The following AGAP1 variants were observed in gnomAD, a reference collection of about 807,000 sequenced individuals.
AGAP1 encodes arf-GAP with GTPase, ANK repeat and PH domain-containing protein 1.
AGAP1 carries 29 observed loss-of-function variants against 105.3 expected under a neutral mutation model. The observed-to-expected ratio is 0.28, with a 90% confidence interval of 0.21 to 0.38. AGAP1 has a LOEUF of 0.38. Among genes scored for constraint, AGAP1 ranks in the 10% least tolerant of loss-of-function variants. AGAP1 has a pLI of 1.00. For synonymous variants in AGAP1, 509 were observed against 485.9 expected (o/e 1.05, Z -0.63); for missense variants, 998 against 1,165.1 (o/e 0.86, Z 2.09).
chr2:236,012,252 G>A lies in AGAP1; in HGVS notation c.1646-24309G>A, dbSNP rs909412749. On this transcript the variant is annotated intron_variant, in intron 13 of 17. Coordinates refer to ENST00000304032, the MANE Select transcript of AGAP1 (RefSeq NM_001037131.3). This position sits in a 1 kb window ranked among gnomAD's most constrained non-coding sequence, Gnocchi z 4.9. ...AAATGGAAGGCATAAAGCGGGCGAG[G>A]AAAGAGGCTTTCTGCACTCGGGCAC... is the stretch of plus-strand genomic sequence containing the variant. Among the ~76,000 whole-genome samples, 11 of 152,084 alleles carry A rather than the reference G, an allele frequency of 7.2e-5. No homozygotes were observed. Among genetic ancestry groups the A allele is most frequent in the Non-Finnish European group, 1.5e-4 (10 of 68,024 alleles).
chr2:235,869,422 A>T (rs1174294395), intron 9 of AGAP1, among the ~76,000 whole-genome samples: 1 of 48,696 alleles, frequency 2.1e-5, no homozygotes, highest in Non-Finnish European at 3.7e-5. Context: ...ATCTCTACTA[A>T]AAAAAAAAAA....
rs1167407884 is a variant in AGAP1 at position 235,801,042 on chromosome 2, GTC to G, written c.957+1525_957+1526del. On this transcript the variant is annotated intron_variant, in intron 8 of 17. Transcript: ENST00000304032. This position sits in a 1 kb window ranked among gnomAD's most constrained non-coding sequence, Gnocchi z 6.0. Reference sequence around the variant, plus strand: ...GCCCCTCTGCCACATGTCTGGGGCAGTCTCTCATTGGATGCTCATGACTGCGG... The same window carrying G: ...GCCCCTCTGCCACATGTCTGGGGCAGTCTCATTGGATGCTCATGACTGCGG... Among the ~76,000 whole-genome samples, 1 of 152,304 alleles carries G rather than the reference GTC, an allele frequency of 6.6e-6. No individual in the cohort carries two copies. Among genetic ancestry groups the G allele is most frequent in the Non-Finnish European group, 1.5e-5 (1 of 68,030 alleles).
Position 235,877,172 on chromosome 2 carries a change from A to G in AGAP1, c.1051-6173A>G, listed in dbSNP as rs183243691. On this transcript the variant is annotated intron_variant, in intron 9 of 17. Transcript: ENST00000304032. This position sits in a 1 kb window ranked among gnomAD's most constrained non-coding sequence, Gnocchi z 4.3. Reference sequence around the variant, plus strand: ...AGCCATTTAAAAGAACAAAAATCTCATGAATCCTTCAACATTGATTTAACT... The same window carrying G: ...AGCCATTTAAAAGAACAAAAATCTCGTGAATCCTTCAACATTGATTTAACT... 1.6e-4 allele frequency among the ~76,000 whole-genome samples: 25 copies of G among 152,280 alleles called. No individual in the cohort carries two copies. The East Asian group carries it at 4.6e-3, about 28-fold the overall frequency.
intron 11 of AGAP1, among the ~76,000 whole-genome samples, chr2:235,916,697 A>G: frequency 6.6e-6 from 1 of 152,230 alleles, no homozygotes; most frequent in East Asian, 1.9e-4. Flanking sequence ...TCCTTTGAAA[A>G]GCTTGGCCGA....
chr2:235,537,172 T>C (rs1943266231), intron 1 of AGAP1, among the ~76,000 whole-genome samples: 1 of 152,160 alleles, frequency 6.6e-6, no homozygotes, highest in Admixed American at 6.5e-5. Context: ...TAGTAAAACA[T>C]ACGGTACCAC....
chr2:235,884,867 CA>C (rs2050196688), intron 10 of AGAP1, among the ~76,000 whole-genome samples: 1 of 69,206 alleles, frequency 1.4e-5, no homozygotes, highest in African/African-American at 4.0e-5. Flanking sequence ...GTCACAGCAG[CA>C]GCAGCAGCAG....
chr2:235,593,042 C>T (rs1232802982), intron 1 of AGAP1, among the ~76,000 whole-genome samples: 1 of 152,128 alleles, frequency 6.6e-6, no homozygotes, highest in African/African-American at 2.4e-5. Context: ...GCTGAAGGCC[C>T]CTGTTCACCT....
At chr2:235,826,011 CAGAA>C (rs1026077446) in intron 9 of AGAP1, among the ~76,000 whole-genome samples, 1 of 150,474 alleles carries the variant, frequency 6.6e-6, no homozygotes, top group Non-Finnish European at 1.5e-5. Context: ...AAATTAAAAA[CAGAA>C]AAAAAAAAAT....
In AGAP1 at chr2:235,983,711, A is replaced by G. The variant is rs145525162; in HGVS notation, c.1645+15088A>G. Among the ~76,000 whole-genome samples, 3,810 of 152,216 alleles carry G rather than the reference A, an allele frequency of 0.025. 87 individuals carry two copies. The highest frequency in any genetic ancestry group is 0.11 in the South Asian group (521 of 4,806). ...TTCCCATTGTGTTGCCACTGCCTACAGTTTTTGATACAGTCACATACTGTA... is the reference window on the plus strand; with the variant it reads ...TTCCCATTGTGTTGCCACTGCCTACGGTTTTTGATACAGTCACATACTGTA... On this transcript the variant is annotated intron_variant, in intron 13 of 17. Transcript: ENST00000304032. The surrounding 1 kb of genome is among the most constrained non-coding windows in gnomAD (Gnocchi z 4.5).
chr2:235,858,155 A>G (rs1203913657), intron 9 of AGAP1, among the ~76,000 whole-genome samples: 1 of 152,244 alleles, frequency 6.6e-6, no homozygotes, highest in African/African-American at 2.4e-5. Flanking sequence ...CATCAACATT[A>G]CCACATAAAG....
intron 13 of AGAP1, among the ~76,000 whole-genome samples, chr2:235,997,576 G>A (rs1038891487): frequency 7.9e-5 from 12 of 152,210 alleles, no homozygotes; most frequent in Non-Finnish European, 1.6e-4. Context: ...TACACTGACT[G>A]TGTGGTAACT....
Position 235,983,285 on chromosome 2 carries a change from G to A in AGAP1, c.1645+14662G>A, listed in dbSNP as rs1023627427. Among the ~76,000 whole-genome samples the A allele has an allele frequency of 6.6e-6, 1 of 152,150 alleles. No individual in the cohort carries two copies. Among genetic ancestry groups the A allele is most frequent in the Admixed American group, 6.5e-5 (1 of 15,290 alleles). ...ACATGGCTGGGAGGGCATCCACCGG[G>A]GCAGGGGTCTGGGCAAGGGGCTTCT... On this transcript the variant is annotated intron_variant, in intron 13 of 17. Transcript: ENST00000304032. The surrounding 1 kb of genome is among the most constrained non-coding windows in gnomAD (Gnocchi z 4.5).
chr2:236,019,848 C>T (rs13398808), intron 13 of AGAP1, among the ~76,000 whole-genome samples: 219 of 152,352 alleles, frequency 1.4e-3, no homozygotes, highest in African/African-American at 5.0e-3. Context: ...GGACTCACTG[C>T]AGTGTCTGAT....
chr2:235,705,868 G>A lies in AGAP1; in HGVS notation c.164-3311G>A, dbSNP rs1417884068. Reference sequence around the variant, plus strand: ...ATGCATCTTTGTTTAATGGAGCACTGCTTAATTTATAATGAATATTTTATA... The same window carrying A: ...ATGCATCTTTGTTTAATGGAGCACTACTTAATTTATAATGAATATTTTATA... On this transcript the variant is annotated intron_variant, in intron 1 of 17. Coordinates refer to ENST00000304032, the MANE Select transcript of AGAP1 (RefSeq NM_001037131.3). The surrounding 1 kb of genome is among the most constrained non-coding windows in gnomAD (Gnocchi z 4.9). Among the ~76,000 whole-genome samples, 1 of 152,166 alleles carries A rather than the reference G, an allele frequency of 6.6e-6. No homozygotes were observed. The highest frequency in any genetic ancestry group is 1.5e-5 in the Non-Finnish European group (1 of 68,032).
In AGAP1 at chr2:236,093,091, C is replaced by T. The variant is rs979111724; in HGVS notation, c.2115-27101C>T. Among the ~76,000 whole-genome samples the T allele has an allele frequency of 4.6e-5, 7 of 152,336 alleles. No individual in the cohort carries two copies. In the East Asian group the frequency reaches 1.2e-3, roughly 25 times the overall value. ...AGAAGCTCTTCTTTATAAAAAATGC[C>T]AACCAGTAAACAGAGAGGATGAGGG... On this transcript the variant is annotated intron_variant, in intron 16 of 17. Transcript: ENST00000304032.
chr2:236,103,499 T>G (rs1334415094), intron 16 of AGAP1, among the ~76,000 whole-genome samples: 1 of 149,220 alleles, frequency 6.7e-6, no homozygotes, highest in Non-Finnish European at 1.5e-5. Context: ...TCTTTCTTTT[T>G]TCTTTTCTTT....
chr2:235,878,999 G>T (rs1375574333), intron 9 of AGAP1, among the ~76,000 whole-genome samples: 1 of 152,208 alleles, frequency 6.6e-6, no homozygotes, highest in Non-Finnish European at 1.5e-5. Context: ...GACACCCAGA[G>T]GTTCTGCGTG....
rs868685277 is a variant in AGAP1 at position 235,741,196 on chromosome 2, C to T, written c.396+148C>T. On this transcript the variant is annotated intron_variant, in intron 4 of 17. Transcript: ENST00000304032. This position sits in a 1 kb window ranked among gnomAD's most constrained non-coding sequence, Gnocchi z 4.9. ...GTTTCCTCTCACTGCATTTTTTTCT[C>T]ATCTCTAAGAAGCTAATTCTTTTTT... 5.2e-5 allele frequency: 31 copies of T among 597,450 alleles called. No homozygotes were observed. Among genetic ancestry groups the T allele is most frequent in the Middle Eastern group, 4.9e-4 (1 of 2,050 alleles). The allele number at this position is 597,450 out of a possible 1,614,324, so 37.0% of individuals were successfully genotyped here.
chr2:235,723,254 GAC>G lies in AGAP1; in HGVS notation c.310+5612_310+5613del. ...TAATGGCTGCTGATTAGAATCGTGT[GAC>G]ATTTTGGGTGTGTAATGTGACTTCC... On this transcript the variant is annotated intron_variant, in intron 3 of 17. Coordinates refer to ENST00000304032, the MANE Select transcript of AGAP1 (RefSeq NM_001037131.3). This position sits in a 1 kb window ranked among gnomAD's most constrained non-coding sequence, Gnocchi z 6.2. Among the ~76,000 whole-genome samples the G allele has an allele frequency of 6.6e-6, 1 of 152,310 alleles. No homozygotes were observed. The highest frequency in any genetic ancestry group is 1.5e-5 in the Non-Finnish European group (1 of 68,022).
Sources: gnomAD v4.1 joint callset for allele counts (sites outside exome capture counted in the v4.1 genomes callset) on GRCh38, gnomAD v4.1.1 for gene constraint, Gnocchi (gnomAD v3.1) non-coding constraint, MANE v1.5 for transcripts, NCBI Gene and HGNC (gene_info 2026-07-23, HGNC 2026-07-21) for gene names.